Variants in ADK observed in about 807,000 individuals in gnomAD.
ADK encodes the protein adenosine kinase.
ADK carries 24 observed loss-of-function variants against 44.7 expected under a neutral mutation model. The observed-to-expected ratio is 0.54, with a 90% CI of 0.39 to 0.76. ADK has a LOEUF of 0.76. ADK is among the 30% of genes least tolerant of loss of function. The pLI, the probability that ADK is intolerant of heterozygous loss-of-function variation, is 0.00. For synonymous variants in ADK, 128 were observed against 142.6 expected, an observed-to-expected ratio of 0.90 and a Z score of 0.73; for missense variants, 321 against 425.1, an observed-to-expected ratio of 0.76 and a Z score of 2.15.
intron 4 of ADK, among the ~76,000 whole-genome samples, chr10:74,360,704 C>T (rs1164722886): frequency 2.0e-5 from 3 of 151,986 alleles, no homozygotes; most frequent in Non-Finnish European, 4.4e-5. Flanking sequence ...CTCCTTTGTC[C>T]CTTTTTACAG....
chr10:74,405,681 A>G (rs1364701896), intron 6 of ADK, among the ~76,000 whole-genome samples: 8 of 152,094 alleles, frequency 5.3e-5, no homozygotes, highest in Admixed American at 1.3e-4. Context: ...CTGAGGTGCA[A>G]CAGTTTCATC....
chr10:74,456,860 T>G (rs1845968586), intron 6 of ADK, among the ~76,000 whole-genome samples: 1 of 152,044 alleles, frequency 6.6e-6, no homozygotes, highest in Non-Finnish European at 1.5e-5. Context: ...TAGCACTAAA[T>G]GCCCTCAGGA....
chr10:74,546,495 G>A (rs997511184), intron 7 of ADK, among the ~76,000 whole-genome samples: 4 of 151,824 alleles, frequency 2.6e-5, no homozygotes, highest in South Asian at 2.1e-4. Context: ...AATACTCCAC[G>A]ATGTCACTGA....
chr10:74,354,348 T>C (rs1842066449), intron 4 of ADK, among the ~76,000 whole-genome samples: 1 of 83,394 alleles, frequency 1.2e-5, no homozygotes, highest in Non-Finnish European at 3.4e-5. Context: ...CCTAGAAAAA[T>C]TGGCATCTGT....
At chr10:74,204,968 A>C (rs1843534520) in intron 2 of ADK, among the ~76,000 whole-genome samples, 1 of 132,484 alleles carries the variant, frequency 7.5e-6, no homozygotes, top group Non-Finnish European at 1.6e-5. Flanking sequence ...TGAACCCGGG[A>C]GGCAGAGGTT....
intron 2 of ADK, among the ~76,000 whole-genome samples, chr10:74,206,258 A>G (rs1273094282): frequency 6.6e-6 from 1 of 152,252 alleles, no homozygotes; most frequent in Non-Finnish European, 1.5e-5. Context: ...TGGGATATAC[A>G]CACAGACCAG....
intron 9 of ADK, among the ~76,000 whole-genome samples, chr10:74,656,999 A>G (rs1854511511): frequency 6.6e-6 from 1 of 150,952 alleles, no homozygotes; most frequent in Admixed American, 6.6e-5. Context: ...AGCTGGAACT[A>G]TAGACATGTG....
At chr10:74,654,384 G>A (rs1281652330) in intron 9 of ADK, among the ~76,000 whole-genome samples, 1 of 152,162 alleles carries the variant, frequency 6.6e-6, no homozygotes, top group Admixed American at 6.5e-5. Flanking sequence ...CCCGCCCTAA[G>A]AGTCCATGGT....
chr10:74,618,546 C>T (rs1852862878), intron 9 of ADK, among the ~76,000 whole-genome samples: 1 of 152,312 alleles, frequency 6.6e-6, no homozygotes, highest in African/African-American at 2.4e-5. Flanking sequence ...GCCTCGGCCT[C>T]CCAAAGTGCT....
intron 6 of ADK, among the ~76,000 whole-genome samples, chr10:74,499,724 T>G (rs1847827340): frequency 6.6e-6 from 1 of 152,144 alleles, no homozygotes; most frequent in Non-Finnish European, 1.5e-5. Context: ...TCTTCAAGCA[T>G]GAAAAGTAGA....
chr10:74,635,091 A>G (rs549933473), intron 9 of ADK, among the ~76,000 whole-genome samples: 1 of 152,360 alleles, frequency 6.6e-6, no homozygotes, highest in Non-Finnish European at 1.5e-5. Context: ...TAATGGCTGT[A>G]AGGTTTCCCA....
At chr10:74,520,505 A>G (rs1848772227) in intron 6 of ADK, among the ~76,000 whole-genome samples, 1 of 151,952 alleles carries the variant, frequency 6.6e-6, no homozygotes, top group African/African-American at 2.4e-5. Flanking sequence ...ATAATTGGTA[A>G]TAGAAATAAT....
intron 3 of ADK, among the ~76,000 whole-genome samples, chr10:74,235,543 G>A (rs1395921682): frequency 6.6e-6 from 1 of 151,962 alleles, no homozygotes; most frequent in African/African-American, 2.4e-5. Flanking sequence ...GACTCAAGTG[G>A]TCTGCCTACC....
intron 10 of ADK, among the ~76,000 whole-genome samples, chr10:74,707,562 A>G (rs771604764): frequency 2.4e-4 from 37 of 152,166 alleles, no homozygotes; most frequent in Admixed American, 1.4e-3. Flanking sequence ...CAGGAGTTTG[A>G]GAACAGCCTG....
chr10:74,328,892 A>T (rs1263519333), intron 4 of ADK, among the ~76,000 whole-genome samples: 1 of 151,886 alleles, frequency 6.6e-6, no homozygotes, highest in East Asian at 1.9e-4. Context: ...CTGTGGTACA[A>T]TGAGACACCA....
At chr10:74,689,626 C>T (rs1855914560) in intron 10 of ADK, among the ~76,000 whole-genome samples, 1 of 152,180 alleles carries the variant, frequency 6.6e-6, no homozygotes, top group Non-Finnish European at 1.5e-5. Flanking sequence ...CTTGCCCTGT[C>T]CTACCTAGGA....
At chr10:74,573,877 G>A (rs1851070118) in intron 7 of ADK, among the ~76,000 whole-genome samples, 1 of 152,192 alleles carries the variant, frequency 6.6e-6, no homozygotes, top group African/African-American at 2.4e-5. Context: ...GTATTGAGGT[G>A]GGAATGACCC....
At chr10:74,704,096 A>G (rs1856520560) in intron 10 of ADK, among the ~76,000 whole-genome samples, 2 of 152,224 alleles carry the variant, frequency 1.3e-5, no homozygotes, top group Admixed American at 1.3e-4. Context: ...AAAGACAAAT[A>G]TTGTATGATC....
chr10:74,161,910 A>C (rs1841909383), intron 1 of ADK, among the ~76,000 whole-genome samples: 1 of 151,660 alleles, frequency 6.6e-6, no homozygotes, highest in Non-Finnish European at 1.5e-5. Flanking sequence ...ACAGGGTCTC[A>C]CTCTATTGCC....
Sources: allele counts gnomAD v4.1 joint callset (sites outside exome capture counted in the v4.1 genomes callset), GRCh38; gene constraint gnomAD v4.1.1; transcripts MANE v1.5; gene names NCBI Gene and HGNC (gene_info 2026-07-23, HGNC 2026-07-21).